Variants in GALNT13 observed in about 807,000 individuals in gnomAD.
The protein encoded by GALNT13 is polypeptide N-acetylgalactosaminyltransferase 13, also known as UDP-GalNAc:polypeptide N-acetylgalactosaminyltransferase 13.
In GALNT13, 28 loss-of-function variants were observed where a neutral mutation model predicts 64.2. That is an observed-to-expected ratio of 0.44 (90% CI 0.32 to 0.60). The LOEUF (loss-of-function observed/expected upper bound fraction) is 0.60. Among genes scored for constraint, GALNT13 ranks in the 20% least tolerant of loss-of-function variants. The pLI is 0.05. For synonymous variants in GALNT13, 214 were observed against 224.6 expected, an observed-to-expected ratio of 0.95 and a Z score of 0.42; for missense variants, 577 against 669.8, an observed-to-expected ratio of 0.86 and a Z score of 1.53.
chr2:154,301,621 A>G lies in GALNT13; in HGVS notation c.1156+32A>G, dbSNP rs547720829. 803 of 1,414,620 alleles carry G rather than the reference A, an allele frequency of 5.7e-4. 4 individuals carry two copies. The South Asian group carries it at 9.3e-3, about 16-fold the overall frequency. The allele number at this position is 1,414,620 out of a possible 1,614,324, so 87.6% of individuals were successfully genotyped here. On this transcript the variant is annotated intron_variant, in intron 9 of 12. Coordinates refer to ENST00000392825, the MANE Select transcript of GALNT13 (RefSeq NM_052917.4). ...AATTCTGACATTTTTCTTTCTCTAC[A>G]GGAGAAAATAAAATTGAAACATACT...
the GALNT13 span, among the ~76,000 whole-genome samples, chr2:153,687,531 A>C: frequency 6.6e-6 from 1 of 151,730 alleles, no homozygotes; most frequent in Admixed American, 6.6e-5. Flanking sequence ...TGAATAGAAG[A>C]GTAAATATTT....
At chr2:154,281,699 C>A (rs1439705830) in intron 8 of GALNT13, among the ~76,000 whole-genome samples, 1 of 152,086 alleles carries the variant, frequency 6.6e-6, no homozygotes, top group Non-Finnish European at 1.5e-5. Context: ...CCATACCTCT[C>A]ACACACACCG....
At chr2:153,751,231 T>G in the GALNT13 span, among the ~76,000 whole-genome samples, 1 of 151,988 alleles carries the variant, frequency 6.6e-6, no homozygotes, top group African/African-American at 2.4e-5. Context: ...ACCTAACATA[T>G]GATCTGTCCT....
At chr2:154,186,104 G>A (rs913083230) in intron 4 of GALNT13, among the ~76,000 whole-genome samples, 3 of 151,934 alleles carry the variant, frequency 2.0e-5, no homozygotes, top group African/African-American at 7.2e-5. Flanking sequence ...CAAGGTGAAT[G>A]ATACAAGTAT....
At chr2:153,401,286 A>G in the GALNT13 span, among the ~76,000 whole-genome samples, 9 of 151,720 alleles carry the variant, frequency 5.9e-5, no homozygotes, top group African/African-American at 2.2e-4. Flanking sequence ...CTGTGGTCTG[A>G]GAGATAGTTT....
chr2:154,149,913 C>G (rs1168800264), intron 4 of GALNT13, among the ~76,000 whole-genome samples: 2 of 152,236 alleles, frequency 1.3e-5, no homozygotes, highest in Admixed American at 6.5e-5. Flanking sequence ...ATTGAATACC[C>G]TTTATTTCCT....
chr2:154,356,644 T>G (rs1030376388), intron 9 of GALNT13, among the ~76,000 whole-genome samples: 1 of 151,980 alleles, frequency 6.6e-6, no homozygotes, highest in Non-Finnish European at 1.5e-5. Flanking sequence ...GTCCAATATA[T>G]TCTACTTTAG....
the GALNT13 span, among the ~76,000 whole-genome samples, chr2:153,770,262 C>A: frequency 4.0e-5 from 6 of 148,932 alleles, no homozygotes; most frequent in Middle Eastern, 3.5e-3. Flanking sequence ...TCCCACCCTA[C>A]CCCTCATTGT....
the GALNT13 span, among the ~76,000 whole-genome samples, chr2:153,833,805 C>A: frequency 6.6e-6 from 1 of 152,002 alleles, no homozygotes; most frequent in African/African-American, 2.4e-5. Flanking sequence ...ATTGTAAAAT[C>A]AACTCTCCAG....
At chr2:153,405,721 C>T in the GALNT13 span, among the ~76,000 whole-genome samples, 14 of 152,066 alleles carry the variant, frequency 9.2e-5, no homozygotes, top group Non-Finnish European at 1.8e-4. Flanking sequence ...ATGAGAGAAA[C>T]ATAAGATTTT....
the GALNT13 span, among the ~76,000 whole-genome samples, chr2:153,721,999 T>C: frequency 6.7e-6 from 1 of 148,954 alleles, no homozygotes; most frequent in South Asian, 2.1e-4. Context: ...ATCAACAGAA[T>C]ATACATTTTT....
the GALNT13 span, among the ~76,000 whole-genome samples, chr2:153,072,069 C>A: frequency 1.3e-5 from 2 of 152,092 alleles, no homozygotes; most frequent in Non-Finnish European, 1.5e-5. Context: ...TTAGTGTGTT[C>A]CTGTTTATAT....
At position 154,453,711 on chromosome 2, in the gene GALNT13, A is replaced by G. The variant is rs1214337457; in HGVS notation, c.*3160A>G. The G allele has an allele frequency of 6.6e-6, 1 of 152,156 alleles. No homozygotes were observed. Among genetic ancestry groups the G allele is most frequent in the Non-Finnish European group, 1.5e-5 (1 of 68,022 alleles). The allele number at this position is 152,156 out of a possible 1,614,324, so 9.4% of individuals were successfully genotyped here. On this transcript the variant is annotated 3_prime_UTR_variant, in exon 13 of 13. Transcript: ENST00000392825. ...GTTTTGTTCATTTGGTATTTCTGGC[A>G]TATATATTCTCTAAATATTTCTTGA...
At chr2:153,815,678 GT>G in the GALNT13 span, among the ~76,000 whole-genome samples, 2 of 152,080 alleles carry the variant, frequency 1.3e-5, no homozygotes, top group Admixed American at 6.6e-5. Context: ...TACAATAAGA[GT>G]TTTTCCATTC....
At position 154,046,297 on chromosome 2, in the gene GALNT13, C is replaced by T. The variant is rs932286303; in HGVS notation, c.143-94040C>T. ...CCCTGATCATGCCACCGAGTACAGT[C>T]TAGATGACAGAGCAAGACTTTAAAA... On this transcript the variant is annotated intron_variant, in intron 3 of 12. Transcript: ENST00000392825. 7.2e-5 allele frequency among the ~76,000 whole-genome samples: 11 copies of T among 152,228 alleles called. No homozygotes were observed. In the East Asian group the frequency reaches 1.9e-3, roughly 27 times the overall value.
At chr2:154,053,133 C>T (rs998524058) in intron 3 of GALNT13, among the ~76,000 whole-genome samples, 1 of 152,106 alleles carries the variant, frequency 6.6e-6, no homozygotes, top group Non-Finnish European at 1.5e-5. Flanking sequence ...TTCAGTTGAA[C>T]TTAGTTCTTA....
At chr2:154,284,420 T>A (rs1692140102) in intron 8 of GALNT13, among the ~76,000 whole-genome samples, 1 of 152,078 alleles carries the variant, frequency 6.6e-6, no homozygotes, top group Non-Finnish European at 1.5e-5. Flanking sequence ...TCCATCCATA[T>A]TATCACAAAT....
chr2:154,182,656 A>G (rs1421929652), intron 4 of GALNT13, among the ~76,000 whole-genome samples: 1 of 148,396 alleles, frequency 6.7e-6, no homozygotes, highest in Non-Finnish European at 1.5e-5. Context: ...ATATAAAAAT[A>G]TGTATTATAT....
At chr2:154,441,680 C>A (rs945385077) in intron 12 of GALNT13, 1 of 152,012 alleles carries the variant, frequency 6.6e-6, no homozygotes, top group Non-Finnish European at 1.5e-5. Context: ...CTCCCATAGT[C>A]CTTTCAATCT....
Sources: gnomAD v4.1 joint callset for allele counts (sites outside exome capture counted in the v4.1 genomes callset) on GRCh38, gnomAD v4.1.1 for gene constraint, MANE v1.5 for transcripts, NCBI Gene and HGNC (gene_info 2026-07-23, HGNC 2026-07-21) for gene names.